The following URB1 variants were observed in gnomAD, a reference collection of about 807,000 sequenced individuals.
URB1 encodes the protein nucleolar pre-ribosomal-associated protein 1.
A neutral mutation model predicts 242.3 loss-of-function variants in URB1; 197 were observed. The observed-to-expected ratio is 0.81, with a 90% CI of 0.72 to 0.91. URB1 has a LOEUF of 0.91. Among genes scored for constraint, URB1 ranks in the 40% least tolerant of loss-of-function variants. The probability of loss-of-function intolerance (pLI) is 0.00; values close to 1 mark genes in which losing one functional copy is unlikely to be tolerated. For synonymous variants in URB1, 1,153 were observed against 1,201.8 expected, an observed-to-expected ratio of 0.96 and a Z score of 0.84; for missense variants, 2,721 against 2,860.5, an observed-to-expected ratio of 0.95 and a Z score of 1.11.
chr21:32,363,982 G>A (rs1178018792), intron 10 of URB1, among the ~76,000 whole-genome samples: 2 of 151,626 alleles, frequency 1.3e-5, no homozygotes, highest in East Asian at 3.9e-4. Flanking sequence ...TGTAGAGGCA[G>A]GGTCTTGCTA....
chr21:32,377,224 A>C (rs4816431), intron 5 of URB1: 477,076 of 518,774 alleles, frequency 0.92, 219,899 homozygotes, highest in Middle Eastern at 0.97. Flanking sequence ...AGCCTACGGG[A>C]ACAGAGGCCA....
At chr21:32,378,049 GCCA>G (rs2033479033) in intron 5 of URB1, among the ~76,000 whole-genome samples, 1 of 152,212 alleles carries the variant, frequency 6.6e-6, no homozygotes, top group Non-Finnish European at 1.5e-5. Flanking sequence ...ACAGGTCTAA[GCCA>G]CCAAAGAAAC....
chr21:32,329,260 T>C (rs7280341), intron 30 of URB1, among the ~76,000 whole-genome samples: 128,729 of 152,088 alleles, frequency 0.85, 54,865 homozygotes, highest in Admixed American at 0.9. Context: ...AGTGAGACCC[T>C]GACTCTTAAA....
At chr21:32,332,455 T>C (rs1377150571) in intron 30 of URB1, among the ~76,000 whole-genome samples, 11 of 64,894 alleles carry the variant, frequency 1.7e-4, no homozygotes, top group South Asian at 5.7e-4. Flanking sequence ...CACTCAAAAC[T>C]CAATAGTTGA....
chr21:32,333,046 T>C (rs956892478), intron 30 of URB1: 5 of 411,680 alleles, frequency 1.2e-5, no homozygotes, highest in Non-Finnish European at 1.8e-5. Flanking sequence ...ATGTTCATCA[T>C]TAGGAATTAG....
chr21:32,330,704 G>A (rs959452219), intron 30 of URB1, among the ~76,000 whole-genome samples: 3 of 152,342 alleles, frequency 2.0e-5, no homozygotes, highest in African/African-American at 7.2e-5. Context: ...TGAGGCACAG[G>A]GGAAATCAGA....
In URB1 at chr21:32,319,308, G is replaced by A; in HGVS notation, c.5701C>T (p.Gln1901Ter). ...TTGGCAGGCTCCTGGGAGCTAGGCT[G>A]GCAAAGGCGCTGGCTCTCCCACTCC... ...AVEWESQRLC[Q>*]PSSQEPAKRL... is the part of the protein sequence containing the mutation. The change falls in exon 36 of 39, where the codon CAG becomes TAG. Residue 1901 changes from glutamine (Q) to a stop codon, truncating the protein, a stop_gained. Transcript: ENST00000382751. LOFTEE classifies it high-confidence loss of function. 4 of 1,551,352 alleles carry A rather than the reference G, an allele frequency of 2.6e-6. No homozygotes were observed. Among genetic ancestry groups the A allele is most frequent in the Non-Finnish European group, 3.5e-6 (4 of 1,146,826 alleles).
chr21:32,376,416 T>C (rs2033459217), intron 5 of URB1, among the ~76,000 whole-genome samples: 1 of 152,176 alleles, frequency 6.6e-6, no homozygotes, highest in Non-Finnish European at 1.5e-5. Context: ...GCAAATTCAT[T>C]ATTTGTGAAA....
chr21:32,322,508 G>A lies in URB1; in HGVS notation c.5310C>T (p.Phe1770=), dbSNP rs1183099020. 1.9e-6 allele frequency: 3 copies of A among 1,552,386 alleles called. No homozygotes were observed. The highest frequency in any genetic ancestry group is 3.9e-5 in the Admixed American group (2 of 51,010). ...AGTCGGAGCTGTAGAAGAACTGGTAGAAGCCTGGCACTTTGTCCATGTTCA... is the reference window on the plus strand; with the variant it reads ...AGTCGGAGCTGTAGAAGAACTGGTAAAAGCCTGGCACTTTGTCCATGTTCA... The part of the protein sequence containing the change: ...EYLNMDKVPG[F]YQFFYSSDFE... The change falls in exon 33 of 39, where the codon TTC becomes TTT. Residue 1770 remains phenylalanine, a synonymous_variant. Transcript: ENST00000382751.
intron 3 of URB1, 29 bp downstream of exon 3, chr21:32,384,284 C>A: frequency 6.5e-7 from 1 of 1,542,208 alleles, no homozygotes; most frequent in Non-Finnish European, 8.8e-7. Context: ...AAAGGCCCAT[C>A]CTTTGTCACA....
rs903107044 is a variant in URB1, at chr21:32,392,972, G to T, written c.-62C>A. On this transcript the variant is annotated 5_prime_UTR_variant, in exon 1 of 39. Coordinates refer to ENST00000382751, the MANE Select transcript of URB1 (RefSeq NM_014825.3). ...CTGAGGGGACCCGGCAGGAGCACTG[G>T]CACAGACAGCAGACACGCGCTTCAG... 2.1e-6 allele frequency: 3 copies of T among 1,429,596 alleles called. No homozygotes were observed. The highest frequency in any genetic ancestry group is 2.7e-6 in the Non-Finnish European group (3 of 1,091,986). The allele number at this position is 1,429,596 out of a possible 1,614,324, so 88.6% of individuals were successfully genotyped here. A position where few individuals can be genotyped will look rare whatever the true frequency, so the allele number is the denominator to read the frequency against.
rs907216350 is a variant in URB1, at chr21:32,347,641, C to A, written c.3183G>T (p.Pro1061=). 2 of 1,551,546 alleles carry A rather than the reference C, an allele frequency of 1.3e-6. No individual in the cohort carries two copies. Among genetic ancestry groups the A allele is most frequent in the Non-Finnish European group, 1.7e-6 (2 of 1,147,020 alleles). ...GVLQLLAASA[P]ILQNIGQLGL... is the part of the protein sequence containing the mutation. ...CCAGCTGCCCAATGTTCTGGAGGAT[C>A]GGGGCACTTGCTGCCAGCAGCTGAA... The change falls in exon 22 of 39, where the codon CCG becomes CCT. Residue 1061 remains proline, a synonymous_variant. Coordinates refer to ENST00000382751, the MANE Select transcript of URB1 (RefSeq NM_014825.3).
chr21:32,366,582 G>C (rs1225475558), intron 10 of URB1, 36 bp downstream of exon 10: 1 of 1,549,934 alleles, frequency 6.5e-7, no homozygotes, highest in African/African-American at 1.4e-5. Context: ...TTTAGCTGGA[G>C]GCAGTTCCAG....
intron 10 of URB1, among the ~76,000 whole-genome samples, chr21:32,363,530 A>G (rs576097347): frequency 2.4e-4 from 36 of 152,350 alleles, no homozygotes; most frequent in African/African-American, 8.4e-4. Flanking sequence ...AGCAATTGCC[A>G]GGAAATGACC....
chr21:32,374,818 C>A (rs1055088750), intron 6 of URB1, among the ~76,000 whole-genome samples: 1 of 152,180 alleles, frequency 6.6e-6, no homozygotes, highest in Non-Finnish European at 1.5e-5. Context: ...CCGTAGAAGG[C>A]AAAATTGCCC....
At chr21:32,339,738 G>A (rs1032880206) in intron 25 of URB1, among the ~76,000 whole-genome samples, 6 of 151,758 alleles carry the variant, frequency 4.0e-5, no homozygotes, top group Admixed American at 1.3e-4. Flanking sequence ...TGATCCGCCC[G>A]CCTCAGCCTC....
Position 32,350,927 on chromosome 21 carries a change from G to A in URB1, c.2614-5C>T, listed in dbSNP as rs1169447459. On this transcript the variant is annotated splice_region_variant and splice_polypyrimidine_tract_variant and intron_variant, in intron 19 of 38. Transcript: ENST00000382751. ...GCTGCCCTGTGCCTGCAGCAGCTGA[G>A]GGAGACAGCAAAAGGCCGGGGAAGA... 2 of 1,542,472 alleles carry A rather than the reference G, an allele frequency of 1.3e-6. No homozygotes were observed.
chr21:32,347,713 G>A lies in URB1; in HGVS notation c.3111C>T (p.Ser1037=), dbSNP rs1466108326. 2.6e-6 allele frequency: 4 copies of A among 1,551,040 alleles called. No individual in the cohort carries two copies. Among genetic ancestry groups the A allele is most frequent in the Non-Finnish European group, 3.5e-6 (4 of 1,147,010 alleles). The change falls in exon 22 of 39, where the codon AGC becomes AGT. Residue 1037 remains serine, a synonymous_variant. Coordinates refer to ENST00000382751, the MANE Select transcript of URB1 (RefSeq NM_014825.3). ...EQQALPPHTL[S]PVLVKLLATH... ...TGGCCAGGAGCTTCACGAGGACAGG[G>A]CTGAGCGTGTGCGGCGGGAGGGCCT...
At chr21:32,373,347 C>G (rs2033425704) in intron 7 of URB1, among the ~76,000 whole-genome samples, 1 of 151,922 alleles carries the variant, frequency 6.6e-6, no homozygotes, top group Admixed American at 6.6e-5. Flanking sequence ...GAAAAGATGG[C>G]CGGGATGACC....
Sources: allele counts gnomAD v4.1 joint callset (sites outside exome capture counted in the v4.1 genomes callset), GRCh38; gene constraint gnomAD v4.1.1; transcripts MANE v1.5; gene names NCBI Gene and HGNC (gene_info 2026-07-23, HGNC 2026-07-21).